TGM5: variants seen among roughly 807,000 people sequenced by gnomAD.
The protein encoded by TGM5 is protein-glutamine gamma-glutamyltransferase 5.
TGM5 carries 69 observed loss-of-function variants against 77.2 expected under a neutral mutation model. That is an observed-to-expected ratio of 0.89 (90% CI 0.74 to 1.09). TGM5 has a LOEUF of 1.09. Ranked by LOEUF, TGM5 falls within the 50% of genes least tolerant of loss-of-function variation. TGM5 has a pLI of 0.00. For synonymous variants in TGM5, 346 were observed against 351.8 expected, an observed-to-expected ratio of 0.98 and a Z score of 0.18; for missense variants, 842 against 896.5, an observed-to-expected ratio of 0.94 and a Z score of 0.78.
intron 8 of TGM5, 45 bp downstream of exon 8, chr15:43,239,118 G>C: frequency 6.2e-7 from 1 of 1,614,120 alleles, no homozygotes; most frequent in Non-Finnish European, 8.5e-7. Context: ...GGGGTGGGGT[G>C]CTTTCCACGG....
At chr15:43,235,890 A>G (rs998225625) in intron 9 of TGM5, 53 bp from the exon 10 acceptor site, 38 of 1,607,470 alleles carry the variant, frequency 2.4e-5, no homozygotes, top group Admixed American at 5.0e-5. Context: ...ACCGGGGTAG[A>G]CTGAGGCTGA....
At chr15:43,236,997 C>T (rs1377417126) in intron 9 of TGM5, among the ~76,000 whole-genome samples, 1 of 151,086 alleles carries the variant, frequency 6.6e-6, no homozygotes, top group Non-Finnish European at 1.5e-5. Flanking sequence ...AAGAGTGGGC[C>T]CAGGAAGATG....
At chr15:43,241,214 AAGCACTGCCTGAGCC>A in intron 6 of TGM5, 2 of 609,596 alleles carry the variant, frequency 3.3e-6, no homozygotes, top group Non-Finnish European at 5.9e-6. Flanking sequence ...CTGCTCAGAC[AAGCACTGCCTGAGCC>A]AGTAAAGTCT....
Position 43,238,816 on chromosome 15 carries a change from C to A in TGM5, c.1345+1G>T. The stretch of plus-strand genomic sequence containing the variant: ...TGAGTAGGGCTGGCTTGCTTACTTA[C>A]CTTCTTCATACTTGTAGTTCTCTGT... On this transcript the variant is annotated splice_donor_variant, in intron 9 of 12. Coordinates refer to ENST00000220420, the MANE Select transcript of TGM5 (RefSeq NM_201631.4). LOFTEE classifies it high-confidence loss of function. 1 of 1,613,840 alleles carries A rather than the reference C, an allele frequency of 6.2e-7. No homozygotes were observed. The highest frequency in any genetic ancestry group is 1.3e-5 in the African/African-American group (1 of 74,990).
At chr15:43,245,955 T>C (rs2042667773) in intron 6 of TGM5, among the ~76,000 whole-genome samples, 2 of 151,570 alleles carry the variant, frequency 1.3e-5, no homozygotes, top group Non-Finnish European at 2.9e-5. Context: ...CACTACAATC[T>C]ACTCCCTCCA....
In TGM5 at chr15:43,260,116, G is replaced by A; in HGVS notation, c.372C>T (p.Phe124=). 6.2e-7 allele frequency: 1 copy of A among 1,614,202 alleles called. No homozygotes were observed. The highest frequency in any genetic ancestry group is 1.1e-5 in the South Asian group (1 of 91,088). Residue 124 remains phenylalanine (F), a synonymous_variant, in exon 3 of 13, where the codon TTC becomes TTT. Transcript: ENST00000220420. The part of the protein sequence containing the change: ...RYLLKIHIDS[F]QGSVTAYQLG... ...GCTGGTAGGCCGTCACAGACCCCTG[G>A]AAGGAGTCGATGTGGATTTTCAAGA...
At chr15:43,251,203 T>C (rs118110270) in intron 6 of TGM5, among the ~76,000 whole-genome samples, 12 of 152,262 alleles carry the variant, frequency 7.9e-5, no homozygotes, top group East Asian at 1.9e-4. Flanking sequence ...TTGTTTCTTA[T>C]ACCTGGGCAC....
intron 6 of TGM5, among the ~76,000 whole-genome samples, chr15:43,246,498 C>T (rs988732117): frequency 6.6e-6 from 1 of 152,206 alleles, no homozygotes; most frequent in Non-Finnish European, 1.5e-5. Context: ...CCCCAAAATA[C>T]ATACTTCTAG....
chr15:43,248,512 C>A (rs1418604298), intron 6 of TGM5, among the ~76,000 whole-genome samples: 1 of 152,064 alleles, frequency 6.6e-6, no homozygotes, highest in Non-Finnish European at 1.5e-5. Flanking sequence ...GCCCTGGAGC[C>A]CAAGAGGCAG....
At chr15:43,261,083 T>TTTTTTTG (rs2142383861) in intron 1 of TGM5, among the ~76,000 whole-genome samples, 1 of 68,304 alleles carries the variant, frequency 1.5e-5, no homozygotes, top group Admixed American at 1.5e-4. Context: ...TGTGTTTTTT[T>TTTTTTTG]TTTTTTTTTT....
Position 43,235,554 on chromosome 15 carries a change from C to G in TGM5, c.1629G>C (p.Leu543=). 1 of 1,614,158 alleles carries G rather than the reference C, an allele frequency of 6.2e-7. No individual in the cohort carries two copies. Among genetic ancestry groups the G allele is most frequent in the Non-Finnish European group, 8.5e-7 (1 of 1,180,028 alleles). The change falls in exon 10 of 13, where the codon CTG becomes CTC. Residue 543 remains leucine (L), a synonymous_variant. Transcript: ENST00000220420. Reference sequence around the variant, plus strand: ...CATCGTGCAGCAGAGACTGGGCACTCAGGTTCACTTTGAGGTCCTTGAACT... The same window carrying G: ...CATCGTGCAGCAGAGACTGGGCACTGAGGTTCACTTTGAGGTCCTTGAACT... ...SSQFKDLKVN[L]SAQSLLHDGS...
Position 43,260,275 on chromosome 15 carries a change from C to T in TGM5, c.213G>A (p.Leu71=). 6.2e-7 allele frequency: 1 copy of T among 1,614,060 alleles called. No individual in the cohort carries two copies. The highest frequency in any genetic ancestry group is 8.5e-7 in the Non-Finnish European group (1 of 1,180,016). Residue 71 remains leucine, a synonymous_variant, in exon 3 of 13, where the codon TTG becomes TTA. Transcript: ENST00000220420. The stretch of plus-strand genomic sequence containing the variant: ...CCAGGCTGAACACAGCCCGAGTCCC[C>T]AAGGCCAGGTCTGGCAGCGGTCCTA... The part of the protein sequence containing the change: ...VETGPLPDLA[L]GTRAVFSLAR...
chr15:43,261,090 T>TTTTTTTTTTTTTTTTTG (rs2042786463), intron 1 of TGM5, among the ~76,000 whole-genome samples: 37 of 97,116 alleles, frequency 3.8e-4, no homozygotes, highest in South Asian at 7.4e-4. Flanking sequence ...TTTTTTTTTT[T>TTTTTTTTTTTTTTTTTG]TTTTTTTTTT....
chr15:43,266,085 G>C (rs1261063138), intron 1 of TGM5, among the ~76,000 whole-genome samples: 2 of 152,208 alleles, frequency 1.3e-5, no homozygotes, highest in African/African-American at 2.4e-5. Flanking sequence ...GCTGCCATTG[G>C]GGATGGCGGG....
chr15:43,253,477 T>C, intron 5 of TGM5, 29 bp downstream of exon 5: 2 of 1,607,740 alleles, frequency 1.2e-6, no homozygotes, highest in Non-Finnish European at 1.7e-6. Context: ...CACAGCTTCC[T>C]CCCTCCCCGG....
chr15:43,249,654 T>G (rs2042691418), intron 6 of TGM5, among the ~76,000 whole-genome samples: 1 of 152,090 alleles, frequency 6.6e-6, no homozygotes, highest in South Asian at 2.1e-4. Flanking sequence ...AGGGTTCCAA[T>G]CTTGTCAAAG....
At position 43,252,752 on chromosome 15, in the gene TGM5, C is replaced by A; in HGVS notation, c.862+7G>T. 1 of 1,613,522 alleles carries A rather than the reference C, an allele frequency of 6.2e-7. No homozygotes were observed. Among genetic ancestry groups the A allele is most frequent in the East Asian group, 2.2e-5 (1 of 44,884 alleles). ...GACCTTTTTGTGGGGTCCTTTCTAC[C>A]TCCTACCTGTGCACATGACGGCAGC... On this transcript the variant is annotated splice_region_variant and intron_variant, in intron 6 of 12. Transcript: ENST00000220420.
In TGM5 at chr15:43,260,166, G is replaced by A; in HGVS notation, c.322C>T (p.Pro108Ser). Residue 108 changes from proline (P) to serine (S), a missense_variant, in exon 3 of 13, where the codon CCC (proline) becomes TCC (serine). Physicochemically the swap from Pro to Ser is moderately conservative, Grantham distance 74. This residue lies in a region of TGM5 where 815 missense variants were observed against 844.6 expected (regional missense o/e 0.96). Transcript: ENST00000220420. ...AGGTACCGACCCACGGCCGCCGTGGGAGGAGCGCACAAGCTCACCTCTGTG... is the reference window on the plus strand; with the variant it reads ...AGGTACCGACCCACGGCCGCCGTGGAAGGAGCGCACAAGCTCACCTCTGTG... ...TSTEVSLCAP[P>S]TAAVGRYLLK... is the part of the protein sequence containing the mutation. 6.2e-7 allele frequency: 1 copy of A among 1,614,126 alleles called. No individual in the cohort carries two copies. The highest frequency in any genetic ancestry group is 8.5e-7 in the Non-Finnish European group (1 of 1,180,044).
intron 4 of TGM5, among the ~76,000 whole-genome samples, chr15:43,253,872 C>T (rs2142374833): frequency 6.6e-6 from 1 of 152,328 alleles, no homozygotes; most frequent in Middle Eastern, 3.4e-3. Flanking sequence ...TCCGAGATGA[C>T]TATTGCTACT....
Sources: allele counts gnomAD v4.1 joint callset (sites outside exome capture counted in the v4.1 genomes callset), GRCh38; gene constraint gnomAD v4.1.1; regional missense constraint gnomAD v4.1.1; transcripts MANE v1.5; gene names NCBI Gene and HGNC (gene_info 2026-07-23, HGNC 2026-07-21).